Variants in RMST observed in about 807,000 individuals in gnomAD.
RMST encodes the protein long intergenic non-protein coding RNA 54.
At chr12:97,558,877 G>C (rs1316074381) in intron 11 of RMST, among the ~76,000 whole-genome samples, 12 of 152,164 alleles carry the variant, frequency 7.9e-5, no homozygotes, top group Middle Eastern at 3.2e-3. Context: ...AGGCGTAACA[G>C]AAGGAAAGAA....
chr12:97,527,800 C>A (rs1038255000), intron 10 of RMST, among the ~76,000 whole-genome samples: 3 of 151,772 alleles, frequency 2.0e-5, no homozygotes, highest in African/African-American at 7.3e-5. Context: ...ACTATGTAGA[C>A]CATGTTTCTG....
intron 11 of RMST, among the ~76,000 whole-genome samples, chr12:97,555,033 C>T: frequency 6.6e-6 from 1 of 152,124 alleles, no homozygotes; most frequent in Admixed American, 6.5e-5. Context: ...TGGCATTGCA[C>T]AGAAAGAAAA....
chr12:97,515,015 T>C (rs1434146993), intron 10 of RMST, among the ~76,000 whole-genome samples: 1 of 152,190 alleles, frequency 6.6e-6, no homozygotes, highest in Non-Finnish European at 1.5e-5. Context: ...AGCTATGATA[T>C]TGATCTCTGG....
intron 10 of RMST, among the ~76,000 whole-genome samples, chr12:97,527,352 G>A (rs1881215865): frequency 1.3e-5 from 2 of 152,078 alleles, no homozygotes; most frequent in African/African-American, 4.8e-5. Context: ...CCTGTACATT[G>A]CATGTATACC....
chr12:97,545,239 A>C (rs752251073), intron 11 of RMST, among the ~76,000 whole-genome samples: 2 of 152,084 alleles, frequency 1.3e-5, no homozygotes, highest in Non-Finnish European at 2.9e-5. Context: ...CATGATAACT[A>C]TATCTCCCCA....
rs115388319 is a variant in RMST, at chr12:97,538,087, A to G, written n.1545+7228A>G. On this transcript the variant is annotated intron_variant and non_coding_transcript_variant, in intron 11 of 13. Coordinates refer to ENST00000640149, the Ensembl canonical transcript of RMST. ...TAATTTAATCAAATCAAATAATAGA[A>G]AGGTTAGTTAAACAGGCAGCTTAAC... is the stretch of plus-strand genomic sequence containing the variant. Among the ~76,000 whole-genome samples, 542 of 151,500 alleles carry G rather than the reference A, an allele frequency of 3.6e-3. 4 individuals carry two copies. The highest frequency in any genetic ancestry group is 0.012 in the African/African-American group (514 of 41,458).
intron 10 of RMST, among the ~76,000 whole-genome samples, chr12:97,514,853 A>G (rs1282357214): frequency 6.6e-6 from 1 of 152,166 alleles, no homozygotes; most frequent in Admixed American, 6.5e-5. Context: ...ATGAAATAGA[A>G]GTATTTAGAG....
At chr12:97,491,027 G>T (rs1465638276) in intron 5 of RMST, among the ~76,000 whole-genome samples, 2 of 152,228 alleles carry the variant, frequency 1.3e-5, no homozygotes, top group Non-Finnish European at 2.9e-5. Flanking sequence ...TTATTTTGGG[G>T]TGATGTTGAT....
At chr12:97,520,073 A>G (rs552691125) in intron 10 of RMST, among the ~76,000 whole-genome samples, 1 of 152,332 alleles carries the variant, frequency 6.6e-6, no homozygotes, top group Admixed American at 6.5e-5. Context: ...GTCACCTTGG[A>G]AAAATGGAGG....
At chr12:97,477,852 C>G (rs1338630324) in intron 5 of RMST, among the ~76,000 whole-genome samples, 2 of 152,118 alleles carry the variant, frequency 1.3e-5, no homozygotes, top group African/African-American at 4.8e-5. Flanking sequence ...TGTGTAGTTC[C>G]CCTCTGCCAG....
At chr12:97,501,171 A>T (rs1878035541) in intron 10 of RMST, among the ~76,000 whole-genome samples, 2 of 152,190 alleles carry the variant, frequency 1.3e-5, no homozygotes, top group Admixed American at 1.3e-4. Flanking sequence ...CATTAGCAGA[A>T]GTCTTGTAGG....
chr12:97,494,639 A>C (rs928987678), intron 8 of RMST: 1 of 152,170 alleles, frequency 6.6e-6, no homozygotes, highest in Non-Finnish European at 1.5e-5. Flanking sequence ...TTAGATTATT[A>C]CTTTTTGCTG....
At chr12:97,506,853 T>C (rs1176339795) in intron 10 of RMST, among the ~76,000 whole-genome samples, 1 of 151,868 alleles carries the variant, frequency 6.6e-6, no homozygotes, top group Non-Finnish European at 1.5e-5. Flanking sequence ...CCGGCTAATT[T>C]TTATATTTTT....
At chr12:97,481,116 A>G (rs1875220604) in intron 5 of RMST, among the ~76,000 whole-genome samples, 3 of 152,224 alleles carry the variant, frequency 2.0e-5, no homozygotes, top group African/African-American at 4.8e-5. Context: ...TGAGTCATGA[A>G]GTTGTTCATG....
chr12:97,463,706 C>T (rs1872847713), intron 4 of RMST, among the ~76,000 whole-genome samples: 1 of 151,972 alleles, frequency 6.6e-6, no homozygotes, highest in Admixed American at 6.6e-5. Flanking sequence ...AATGAGATTC[C>T]CTGTGGAGTT....
intron 4 of RMST, among the ~76,000 whole-genome samples, chr12:97,465,507 A>C (rs1873078285): frequency 6.6e-6 from 1 of 152,216 alleles, no homozygotes; most frequent in African/African-American, 2.4e-5. Flanking sequence ...ATGCTGCAGA[A>C]AACATGCACT....
intron 10 of RMST, among the ~76,000 whole-genome samples, chr12:97,498,236 G>A (rs867517775): frequency 2.1e-4 from 32 of 152,190 alleles, no homozygotes; most frequent in Middle Eastern, 3.4e-3. Flanking sequence ...TCCTTGCTAC[G>A]GGGATCTAGA....
intron 5 of RMST, among the ~76,000 whole-genome samples, chr12:97,472,460 G>A (rs909829746): frequency 6.6e-6 from 1 of 152,062 alleles, no homozygotes; most frequent in African/African-American, 2.4e-5. Flanking sequence ...TTTTTAAAGT[G>A]CTAGGAAGAT....
intron 10 of RMST, among the ~76,000 whole-genome samples, chr12:97,524,075 C>CAAAAAAAAAAAAAA (rs537840796): frequency 3.7e-4 from 21 of 56,116 alleles, no homozygotes; most frequent in African/African-American, 1.4e-3. Context: ...GACTCTGTCT[C>CAAAAAAAAAAAAAA]AAAAAAAAAA....
Sources: allele counts gnomAD v4.1 joint callset (sites outside exome capture counted in the v4.1 genomes callset), GRCh38; gene constraint gnomAD v4.1.1; transcripts MANE v1.5; gene names NCBI Gene and HGNC (gene_info 2026-07-23, HGNC 2026-07-21).